The following ARHGAP22 variants were observed in gnomAD, a reference collection of about 807,000 sequenced individuals.
The protein encoded by ARHGAP22 is Rho GTPase activating protein 22.
ARHGAP22 carries 48 observed loss-of-function variants against 59.1 expected under a neutral mutation model. The ratio of observed to expected loss-of-function variants is 0.81; its 90% CI spans 0.64 to 1.03. ARHGAP22 has a LOEUF of 1.03. Among genes scored for constraint, ARHGAP22 ranks in the 50% least tolerant of loss-of-function variants. The pLI, the probability that ARHGAP22 is intolerant of heterozygous loss-of-function variation, is 0.00. For missense variants in ARHGAP22, 1,015 were observed against 958.7 expected (o/e 1.06, Z -0.78); for synonymous variants, 445 against 416.4 (o/e 1.07, Z -0.84).
chr10:48,554,454 C>T (rs2057144417), intron 3 of ARHGAP22, among the ~76,000 whole-genome samples: 1 of 152,170 alleles, frequency 6.6e-6, no homozygotes, highest in Non-Finnish European at 1.5e-5. Flanking sequence ...TTCACAGCCA[C>T]CACTTCCCAG....
intron 3 of ARHGAP22, among the ~76,000 whole-genome samples, chr10:48,516,811 C>T (rs147730881): frequency 6.6e-4 from 100 of 152,220 alleles, no homozygotes; most frequent in African/African-American, 2.1e-3. Context: ...AGACCAATAT[C>T]TCTTATAAAT....
chr10:48,454,297 CA>C, intron 6 of ARHGAP22, 136 bp from the exon 7 acceptor site: 1 of 746,994 alleles, frequency 1.3e-6, no homozygotes, highest in Non-Finnish European at 2.3e-6. Flanking sequence ...AGGGCTCCAC[CA>C]CCTCCACCTC....
chr10:48,430,043 C>T, the ARHGAP22 span: 1 of 152,160 alleles, frequency 6.6e-6, no homozygotes, highest in Non-Finnish European at 1.5e-5. Context: ...TGAATGTCTA[C>T]TTAAGAACCT....
In ARHGAP22 at chr10:48,473,767, T is replaced by C. The variant is rs1027659008; in HGVS notation, c.451+5869A>G. The stretch of plus-strand genomic sequence containing the variant: ...GTTGCCAAAGCCTCACTCTGCCTCC[T>C]CTCACACTTCAATGCAATGGGCTTG... On this transcript the variant is annotated intron_variant, in intron 4 of 9. Transcript: ENST00000249601. Among the ~76,000 whole-genome samples, 13 of 152,220 alleles carry C rather than the reference T, an allele frequency of 8.5e-5. No homozygotes were observed. In the East Asian group the frequency reaches 2.5e-3, roughly 29 times the overall value.
chr10:48,459,264 G>T (rs996425093), intron 5 of ARHGAP22, among the ~76,000 whole-genome samples: 1 of 152,210 alleles, frequency 6.6e-6, no homozygotes, highest in Non-Finnish European at 1.5e-5. Flanking sequence ...AAAAGGAGGG[G>T]AGCCGAGCTG....
intron 3 of ARHGAP22, among the ~76,000 whole-genome samples, chr10:48,527,143 A>T (rs140804880): frequency 2.3e-4 from 35 of 152,344 alleles, no homozygotes; most frequent in African/African-American, 8.4e-4. Context: ...CCCAAGACCA[A>T]TGAGGTAGTA....
At chr10:48,441,939 C>T (rs575129561), downstream of ARHGAP22, among the ~76,000 whole-genome samples, 1 of 152,304 alleles carries the variant, frequency 6.6e-6, no homozygotes, top group East Asian at 1.9e-4. Flanking sequence ...ATGCCTCACA[C>T]TGGGATCCCC....
At chr10:48,648,158 GA>G (rs1233469823) in intron 1 of ARHGAP22, among the ~76,000 whole-genome samples, 1 of 152,158 alleles carries the variant, frequency 6.6e-6, no homozygotes, top group African/African-American at 2.4e-5. Context: ...ATTTAGCTGT[GA>G]ACCTCGAATG....
the ARHGAP22 span, chr10:48,438,555 T>C: frequency 2.0e-5 from 3 of 152,336 alleles, no homozygotes; most frequent in Admixed American, 6.5e-5. Context: ...TTGAGAAATA[T>C]TACCTGTGGA....
At chr10:48,448,022 G>A (rs1251213555) in intron 9 of ARHGAP22, among the ~76,000 whole-genome samples, 5 of 148,506 alleles carry the variant, frequency 3.4e-5, no homozygotes, top group African/African-American at 1.3e-4. Context: ...TTCTGCCCTT[G>A]TCCCCTGGCA....
At chr10:48,470,714 C>T (rs973940328) in intron 4 of ARHGAP22, among the ~76,000 whole-genome samples, 1 of 152,184 alleles carries the variant, frequency 6.6e-6, no homozygotes, top group African/African-American at 2.4e-5. Flanking sequence ...AGGCCTAGCC[C>T]AGGTCTGCAA....
chr10:48,650,636 C>T (rs1429507147), intron 1 of ARHGAP22, among the ~76,000 whole-genome samples: 1 of 152,114 alleles, frequency 6.6e-6, no homozygotes, highest in Non-Finnish European at 1.5e-5. Context: ...GCAGTATGTC[C>T]TCTGTCCCTT....
chr10:48,619,549 C>A (rs2061210617), intron 1 of ARHGAP22, among the ~76,000 whole-genome samples: 2 of 152,108 alleles, frequency 1.3e-5, no homozygotes, highest in Non-Finnish European at 1.5e-5. Context: ...GATTTACAGC[C>A]AACTGATTTT....
intron 2 of ARHGAP22, among the ~76,000 whole-genome samples, chr10:48,568,239 G>C (rs529634363): frequency 6.6e-6 from 1 of 152,294 alleles, no homozygotes; most frequent in South Asian, 2.1e-4. Context: ...TTTTGGACTG[G>C]AGCATTGGAG....
chr10:48,577,398 T>C (rs2135554317), intron 2 of ARHGAP22, among the ~76,000 whole-genome samples: 1 of 152,308 alleles, frequency 6.6e-6, no homozygotes, highest in Non-Finnish European at 1.5e-5. Context: ...TCACTCCCAC[T>C]TGAGAATGGT....
At chr10:48,453,240 C>T (rs1042054914) in intron 8 of ARHGAP22, 64 bp downstream of exon 8, 8 of 1,605,032 alleles carry the variant, frequency 5.0e-6, no homozygotes, top group East Asian at 2.2e-5. Flanking sequence ...AAGGACTTGC[C>T]GTGGACCAAG....
In ARHGAP22 at chr10:48,479,780, A is replaced by G. The variant is rs1280312474; in HGVS notation, c.323-16T>C. 10 of 1,563,616 alleles carry G rather than the reference A, an allele frequency of 6.4e-6. No individual in the cohort carries two copies. The highest frequency in any genetic ancestry group is 7.8e-6 in the Non-Finnish European group (9 of 1,153,316). ...CCGGCACCACCTGCAAGACAGGGAG[A>G]CACAGGCTTACGCAGGGTCCCTGCC... On this transcript the variant is annotated splice_polypyrimidine_tract_variant and intron_variant, in intron 3 of 9. Transcript: ENST00000249601.
At chr10:48,602,938 G>C (rs2135901556) in intron 1 of ARHGAP22, among the ~76,000 whole-genome samples, 1 of 152,268 alleles carries the variant, frequency 6.6e-6, no homozygotes, top group East Asian at 1.9e-4. Flanking sequence ...GTGTGTGTAT[G>C]TTTGTATGCA....
In ARHGAP22 at chr10:48,590,739, G is replaced by A. The variant is rs187591151; in HGVS notation, c.35-7587C>T. Among the ~76,000 whole-genome samples, 95 of 152,290 alleles carry A rather than the reference G, an allele frequency of 6.2e-4. No individual in the cohort carries two copies. In the East Asian group the frequency reaches 8.5e-3, roughly 14 times the overall value. On this transcript the variant is annotated intron_variant, in intron 1 of 9. Transcript: ENST00000249601. ...AGTCACTGAGGATGGTAAACTTGGC[G>A]CTTGCTCTATGACTCTGGCCTGGCC...
Sources: gnomAD v4.1 joint callset for allele counts (sites outside exome capture counted in the v4.1 genomes callset) on GRCh38, gnomAD v4.1.1 for gene constraint, MANE v1.5 for transcripts, NCBI Gene and HGNC (gene_info 2026-07-23, HGNC 2026-07-21) for gene names.